Variants in FBXO17 observed in about 807,000 individuals in gnomAD.
FBXO17 encodes the protein F-box only protein 17.
A neutral mutation model predicts 34.1 loss-of-function variants in FBXO17; 43 were observed. The observed-to-expected ratio is 1.26, with a 90% CI of 0.99 to 1.62. The LOEUF is 1.62. Ranked by LOEUF, FBXO17 falls within the 40% of genes most tolerant of loss-of-function variation. The probability of loss-of-function intolerance (pLI) is 0.00; values close to 1 mark genes in which losing one functional copy is unlikely to be tolerated. For synonymous variants in FBXO17, 169 were observed against 166.0 expected, an observed-to-expected ratio of 1.02 and a Z score of -0.14; for missense variants, 424 against 386.7, an observed-to-expected ratio of 1.10 and a Z score of -0.81.
At chr19:38,973,354 G>A (rs1296912247) in intron 1 of FBXO17, among the ~76,000 whole-genome samples, 5 of 151,930 alleles carry the variant, frequency 3.3e-5, no homozygotes, top group African/African-American at 1.2e-4. Flanking sequence ...CAGCCTGGGC[G>A]ACAGAGAGAG....
chr19:38,949,777 C>T (rs549825114), intron 2 of FBXO17, 194 bp downstream of exon 2: 1 of 688,792 alleles, frequency 1.5e-6, no homozygotes, highest in African/African-American at 1.9e-5. Flanking sequence ...CCCACTCGTT[C>T]GGATTCCCGG....
chr19:38,950,049 A>G lies in FBXO17; in HGVS notation c.271T>C (p.Phe91Leu). The G allele has an allele frequency of 6.4e-7, 1 of 1,567,966 alleles. No individual in the cohort carries two copies. The highest frequency in any genetic ancestry group is 2.4e-5 in the East Asian group (1 of 41,916). Residue 91 changes from phenylalanine (F) to leucine (L), a missense_variant, in exon 2 of 6, where the codon TTC becomes CTC. Coordinates refer to ENST00000292852, the MANE Select transcript of FBXO17 (RefSeq NM_024907.7). ...TAGCGCGCCAGGGCGCACAGCGGGA[A>G]CTCCTCCTTGTCTTCGTTGCTGGGC... ...CLPSNEDKEE[F>L]PLCALARYCL...
At position 38,949,836 on chromosome 19, in the gene FBXO17, G is replaced by C. The variant is rs1214021080; in HGVS notation, c.349+135C>G. The C allele has an allele frequency of 2.7e-6, 3 of 1,121,008 alleles. No individual in the cohort carries two copies. In the East Asian group the frequency reaches 8.8e-5, roughly 33 times the overall value. 69.4% of individuals were successfully genotyped at this position (1,121,008 alleles called of 1,614,324 possible). A position where few individuals can be genotyped will look rare whatever the true frequency, so the allele number is the denominator to read the frequency against. ...ACCGGGCCTACCGCCCAGGCACTGC[G>C]TCCCTCAGCCCCGCCCCCTGGCTCC... On this transcript the variant is annotated intron_variant, in intron 2 of 5. Transcript: ENST00000292852.
At chr19:38,961,744 C>G (rs978964134) in intron 1 of FBXO17, among the ~76,000 whole-genome samples, 2 of 152,124 alleles carry the variant, frequency 1.3e-5, no homozygotes, top group East Asian at 3.9e-4. Context: ...TCACTGCAAC[C>G]TCCGCCTTCC....
intron 4 of FBXO17, chr19:38,945,380 GAGCCT>G: frequency 2.0e-6 from 1 of 489,938 alleles, no homozygotes; most frequent in Non-Finnish European, 3.6e-6. Context: ...CCTGGGGGAG[GAGCCT>G]GGGTGACCCT....
chr19:38,961,952 C>T (rs1975256345), intron 1 of FBXO17, among the ~76,000 whole-genome samples: 1 of 152,068 alleles, frequency 6.6e-6, no homozygotes, highest in South Asian at 2.1e-4. Flanking sequence ...CGTGAGCCAC[C>T]GTGCCCGGCT....
chr19:38,960,992 G>C (rs1975241545), intron 1 of FBXO17, among the ~76,000 whole-genome samples: 1 of 151,470 alleles, frequency 6.6e-6, no homozygotes, highest in South Asian at 2.1e-4. Context: ...ATTTTTAGTA[G>C]AGACGGGGTT....
rs187742039 is a variant in FBXO17, at chr19:38,950,264, T to C, written c.56A>G (p.Asp19Gly). 5.0e-5 allele frequency: 75 copies of C among 1,500,738 alleles called. No homozygotes were observed. The highest frequency in any genetic ancestry group is 6.1e-5 in the Non-Finnish European group (69 of 1,133,020). 93.0% of individuals were successfully genotyped at this position (1,500,738 alleles called of 1,614,324 possible). The change falls in exon 2 of 6, where the codon GAC becomes GGC. Residue 19 changes from aspartate to glycine, a missense_variant. Transcript: ENST00000292852. Reference sequence around the variant, plus strand: ...CACCAGCAGCTCCGGGGGCAGCGCGTCCAGGGCCAGGGATGGGTCCGCCGG... The same window carrying C: ...CACCAGCAGCTCCGGGGGCAGCGCGCCCAGGGCCAGGGATGGGTCCGCCGG... The part of the protein sequence containing the change: ...RLPADPSLAL[D>G]ALPPELLVQV...
chr19:38,967,439 T>A (rs1478250750), intron 1 of FBXO17, among the ~76,000 whole-genome samples: 1 of 151,190 alleles, frequency 6.6e-6, no homozygotes, highest in Non-Finnish European at 1.5e-5. Context: ...AAACTCCATC[T>A]CAAAAAAATA....
chr19:38,955,168 T>C (rs968696662), intron 1 of FBXO17, among the ~76,000 whole-genome samples: 2 of 151,324 alleles, frequency 1.3e-5, no homozygotes, highest in Non-Finnish European at 2.9e-5. Flanking sequence ...CCTGACCTCA[T>C]GATCCGCCCG....
At position 38,950,046 on chromosome 19, in the gene FBXO17, G is replaced by T. The variant is rs1378282791; in HGVS notation, c.274C>A (p.Pro92Thr). Reference sequence around the variant, plus strand: ...CAGTAGCGCGCCAGGGCGCACAGCGGGAACTCCTCCTTGTCTTCGTTGCTG... The same window carrying T: ...CAGTAGCGCGCCAGGGCGCACAGCGTGAACTCCTCCTTGTCTTCGTTGCTG... ...LPSNEDKEEF[P>T]LCALARYCLR... The change falls in exon 2 of 6, where the codon CCG becomes ACG. Residue 92 changes from proline to threonine, a missense_variant. By Grantham distance (38) the Pro-to-Thr change is conservative (BLOSUM62 -1). Coordinates refer to ENST00000292852, the MANE Select transcript of FBXO17 (RefSeq NM_024907.7). 1.3e-6 allele frequency: 2 copies of T among 1,568,034 alleles called. No individual in the cohort carries two copies. The highest frequency in any genetic ancestry group is 1.7e-4 in the Middle Eastern group (1 of 6,014).
chr19:38,960,809 CT>C (rs60174151), intron 1 of FBXO17, among the ~76,000 whole-genome samples: 95,767 of 139,240 alleles, frequency 0.69, 33,084 homozygotes, highest in East Asian at 0.92. Context: ...CACCCGGCCA[CT>C]TTTTTTTTTT....
chr19:38,949,724 G>T, intron 2 of FBXO17: 2 of 577,964 alleles, frequency 3.5e-6, no homozygotes, highest in Non-Finnish European at 6.0e-6. Context: ...CAAACTACTT[G>T]CTTTCTCCCC....
At chr19:38,966,293 TTGTGTGTGTGTG>T (rs10569438) in intron 1 of FBXO17, among the ~76,000 whole-genome samples, 1 of 142,942 alleles carries the variant, frequency 7.0e-6, no homozygotes, top group Non-Finnish European at 1.5e-5. Context: ...ATTAAAAATT[TTGTGTGTGTGTG>T]TGTGTGTGTG....
chr19:38,956,988 G>C (rs1459887986), intron 1 of FBXO17, among the ~76,000 whole-genome samples: 1 of 152,036 alleles, frequency 6.6e-6, no homozygotes, highest in Non-Finnish European at 1.5e-5. Context: ...ATTTTCACAG[G>C]TGTGAGCCAC....
chr19:38,967,272 A>G (rs1433380450), intron 1 of FBXO17, among the ~76,000 whole-genome samples: 1 of 152,132 alleles, frequency 6.6e-6, no homozygotes, highest in Non-Finnish European at 1.5e-5. Context: ...AGCCTGGCCA[A>G]CATGGTGAAA....
chr19:38,965,372 A>C, intron 1 of FBXO17, among the ~76,000 whole-genome samples: 1 of 149,386 alleles, frequency 6.7e-6, no homozygotes, highest in African/African-American at 2.5e-5. Flanking sequence ...TCTGTCGCCC[A>C]GGCTGGAGTG....
intron 1 of FBXO17, 28 bp from the exon 2 acceptor site, chr19:38,950,364 G>T: frequency 7.2e-7 from 1 of 1,395,034 alleles, no homozygotes; most frequent in Non-Finnish European, 9.2e-7. Flanking sequence ...TCGGTAGGCG[G>T]GTCAGCGCAG....
At chr19:38,961,693 G>A (rs1471251685) in intron 1 of FBXO17, among the ~76,000 whole-genome samples, 2 of 151,074 alleles carry the variant, frequency 1.3e-5, no homozygotes, top group Non-Finnish European at 3.0e-5. Flanking sequence ...ACGTAGTATT[G>A]CTCTGTCCTC....
Sources: gnomAD v4.1 joint callset for allele counts (sites outside exome capture counted in the v4.1 genomes callset) on GRCh38, gnomAD v4.1.1 for gene constraint, MANE v1.5 for transcripts, NCBI Gene and HGNC (gene_info 2026-07-23, HGNC 2026-07-21) for gene names.